Variants in CDC42BPA observed in about 807,000 individuals in gnomAD.
CDC42BPA encodes the protein CDC42 binding protein kinase alpha.
In CDC42BPA, 80 loss-of-function variants were observed where a neutral mutation model predicts 223.5. The ratio of observed to expected loss-of-function variants is 0.36; its 90% confidence interval spans 0.30 to 0.43. The LOEUF is 0.43. CDC42BPA is among the 20% of genes least tolerant of loss of function. The pLI is 1.00. For synonymous variants in CDC42BPA, 694 were observed against 718.6 expected (o/e 0.97, Z 0.55); for missense variants, 1,743 against 2,099.9 (o/e 0.83, Z 3.32).
intron 12 of CDC42BPA, among the ~76,000 whole-genome samples, chr1:227,117,676 C>G (rs1227546561): frequency 6.6e-6 from 1 of 152,032 alleles, no homozygotes; most frequent in African/African-American, 2.4e-5. Context: ...AGTTGAGATA[C>G]AGACCTAAAA....
At chr1:227,095,421 C>T (rs186285487) in intron 15 of CDC42BPA, among the ~76,000 whole-genome samples, 1 of 150,228 alleles carries the variant, frequency 6.7e-6, no homozygotes, top group African/African-American at 2.5e-5. Flanking sequence ...ATACTTTCAG[C>T]CATTCCTTCT....
At chr1:227,276,219 G>A (rs968390249) in intron 1 of CDC42BPA, among the ~76,000 whole-genome samples, 18 of 150,492 alleles carry the variant, frequency 1.2e-4, no homozygotes, top group Admixed American at 5.9e-4. Flanking sequence ...CCGCCGCCCC[G>A]TCTGGGATGT....
chr1:227,151,726 C>T (rs1355887431), intron 6 of CDC42BPA, among the ~76,000 whole-genome samples: 1 of 151,864 alleles, frequency 6.6e-6, no homozygotes, highest in African/African-American at 2.4e-5. Context: ...ATGTTGAGCA[C>T]CTTTTCAAGT....
intron 10 of CDC42BPA, among the ~76,000 whole-genome samples, chr1:227,137,068 AAC>A (rs1384767001): frequency 6.6e-6 from 1 of 152,196 alleles, no homozygotes; most frequent in Non-Finnish European, 1.5e-5. Flanking sequence ...AAAGATTTAT[AAC>A]ACAGATTAAA....
At chr1:227,132,659 C>A (rs1223764898) in intron 10 of CDC42BPA, among the ~76,000 whole-genome samples, 1 of 150,708 alleles carries the variant, frequency 6.6e-6, no homozygotes, top group Admixed American at 6.6e-5. Flanking sequence ...CGTCTCTGCC[C>A]GGCCGCCATC....
At chr1:227,085,386 T>C (rs905845693) in intron 16 of CDC42BPA, among the ~76,000 whole-genome samples, 1 of 152,212 alleles carries the variant, frequency 6.6e-6, no homozygotes, top group Non-Finnish European at 1.5e-5. Context: ...CATTTAAAAA[T>C]GTAAAGATCA....
At chr1:227,016,449 T>C (rs1666276023) in intron 33 of CDC42BPA, among the ~76,000 whole-genome samples, 1 of 152,200 alleles carries the variant, frequency 6.6e-6, no homozygotes, top group African/African-American at 2.4e-5. Context: ...AAAGAAGCTC[T>C]ACTTTGTTTT....
chr1:227,014,924 A>C (rs775963029), intron 34 of CDC42BPA, among the ~76,000 whole-genome samples: 10 of 152,184 alleles, frequency 6.6e-5, no homozygotes, highest in Non-Finnish European at 1.0e-4. Flanking sequence ...CTGAGAGCCT[A>C]ATCTTCATAT....
intron 1 of CDC42BPA, among the ~76,000 whole-genome samples, chr1:227,257,299 C>T (rs1190651297): frequency 6.9e-6 from 1 of 144,410 alleles, no homozygotes; most frequent in Non-Finnish European, 1.5e-5. Flanking sequence ...TAATTTAATG[C>T]CACTGAATTG....
chr1:227,143,342 G>A (rs1660051916), intron 8 of CDC42BPA, among the ~76,000 whole-genome samples: 1 of 152,130 alleles, frequency 6.6e-6, no homozygotes, highest in African/African-American at 2.4e-5. Context: ...CAATACTTGT[G>A]GTAATTTTAT....
At chr1:227,165,666 G>C (rs754819270) in intron 5 of CDC42BPA, among the ~76,000 whole-genome samples, 2 of 152,126 alleles carry the variant, frequency 1.3e-5, no homozygotes, top group Non-Finnish European at 2.9e-5. Flanking sequence ...AGTAGAAAGA[G>C]GAATACAAAC....
rs1671371416 is a variant in CDC42BPA at position 227,199,624 on chromosome 1, A to G, written c.383T>C (p.Val128Ala). The G allele has an allele frequency of 6.2e-7, 1 of 1,607,744 alleles. No homozygotes were observed. The highest frequency in any genetic ancestry group is 1.3e-5 in the African/African-American group (1 of 74,790). ...ETACFREERD[V>A]LVNGDNKWIT... ...CCATTTATTGTCTCCATTCACTAAT[A>G]CATCCCTTTCTTCACGAAAACATGC... Residue 128 changes from valine (V) to alanine (A), a missense_variant, in exon 4 of 37, where the codon GTA becomes GCA. By Grantham distance (64) the Val-to-Ala change is moderately conservative. Around this residue, in one of 6 missense-constraint regions of CDC42BPA, gnomAD observed 321 missense variants for 488.7 expected, o/e 0.66. Coordinates refer to ENST00000366766, the MANE Select transcript of CDC42BPA (RefSeq NM_001394014.1).
intron 8 of CDC42BPA, among the ~76,000 whole-genome samples, chr1:227,144,970 G>A (rs1660446821): frequency 6.6e-6 from 1 of 152,180 alleles, no homozygotes; most frequent in Admixed American, 6.5e-5. Context: ...CCAGTTCCAT[G>A]CTACTAGTAC....
intron 34 of CDC42BPA, among the ~76,000 whole-genome samples, chr1:227,008,236 T>C (rs1664477195): frequency 6.6e-6 from 1 of 152,236 alleles, no homozygotes; most frequent in Admixed American, 6.5e-5. Flanking sequence ...GGCAATGTAA[T>C]TTCAAAATAT....
chr1:227,100,206 T>G (rs180821747), intron 15 of CDC42BPA, among the ~76,000 whole-genome samples: 1 of 152,212 alleles, frequency 6.6e-6, no homozygotes, highest in African/African-American at 2.4e-5. Flanking sequence ...TCCATCCACT[T>G]CTCTCCATCT....
chr1:227,133,211 G>A (rs1235985348), intron 10 of CDC42BPA, among the ~76,000 whole-genome samples: 1 of 149,724 alleles, frequency 6.7e-6, no homozygotes, highest in African/African-American at 2.5e-5. Context: ...TGGGAGGGAG[G>A]TGGGGGGGTC....
chr1:227,264,797 G>A, intron 1 of CDC42BPA: 2 of 1,216,826 alleles, frequency 1.6e-6, no homozygotes, highest in South Asian at 2.4e-5. Context: ...TGTTACCTCA[G>A]TGACAGAATC....
At chr1:227,042,181 C>A (rs746647467) in intron 23 of CDC42BPA, among the ~76,000 whole-genome samples, 2 of 152,008 alleles carry the variant, frequency 1.3e-5, no homozygotes, top group African/African-American at 4.8e-5. Flanking sequence ...TCATGTTTTT[C>A]TTCTTCTAAA....
chr1:227,129,553 G>A (rs1420099871), intron 10 of CDC42BPA, among the ~76,000 whole-genome samples: 1 of 149,918 alleles, frequency 6.7e-6, no homozygotes, highest in Non-Finnish European at 1.5e-5. Context: ...CTGAAGTCCC[G>A]CTACTCAGGA....
Sources: allele counts gnomAD v4.1 joint callset (sites outside exome capture counted in the v4.1 genomes callset), GRCh38; gene constraint gnomAD v4.1.1; regional missense constraint gnomAD v4.1.1; transcripts MANE v1.5; gene names NCBI Gene and HGNC (gene_info 2026-07-23, HGNC 2026-07-21).